PDE6D: variants seen among roughly 807,000 people sequenced by gnomAD.
PDE6D encodes the protein phosphodiesterase 6D.
In PDE6D, 10 loss-of-function variants were observed where a neutral mutation model predicts 21.9. The ratio of observed to expected loss-of-function variants is 0.46; its 90% CI spans 0.28 to 0.78. PDE6D has a LOEUF of 0.78. Ranked by LOEUF, PDE6D falls within the 30% of genes least tolerant of loss-of-function variation. The pLI is 0.12. For synonymous variants in PDE6D, 59 were observed against 63.5 expected, an observed-to-expected ratio of 0.93 and a Z score of 0.34; for missense variants, 139 against 184.8, an observed-to-expected ratio of 0.75 and a Z score of 1.44.
chr2:231,754,246 A>G (rs1389735986), intron 1 of PDE6D, among the ~76,000 whole-genome samples: 2 of 152,148 alleles, frequency 1.3e-5, no homozygotes, highest in Non-Finnish European at 2.9e-5. Flanking sequence ...GTACCATACC[A>G]TGTACCAACT....
chr2:231,777,763 A>C (rs2049068325), intron 1 of PDE6D, among the ~76,000 whole-genome samples: 1 of 152,248 alleles, frequency 6.6e-6, no homozygotes, highest in Non-Finnish European at 1.5e-5. Flanking sequence ...AAGATGGACT[A>C]ACTACTTAGT....
intron 1 of PDE6D, among the ~76,000 whole-genome samples, chr2:231,775,414 A>T (rs1276805865): frequency 1.3e-5 from 2 of 150,834 alleles, no homozygotes; most frequent in African/African-American, 4.9e-5. Context: ...GGCTCAGGTG[A>T]TCCCCTCACC....
At chr2:231,733,221 T>C (rs1182726521) in intron 4 of PDE6D, among the ~76,000 whole-genome samples, 188 bp from the exon 5 acceptor site, 1 of 152,214 alleles carries the variant, frequency 6.6e-6, no homozygotes, top group African/African-American at 2.4e-5. Context: ...ATTTAACTTA[T>C]GTGGTTACAT....
In PDE6D at chr2:231,758,134, C is replaced by CCTGT. The variant is rs766581261; in HGVS notation, c.51-18950_51-18947dup. Among the ~76,000 whole-genome samples the CCTGT allele has an allele frequency of 1.6e-4, 25 of 152,208 alleles. No homozygotes were observed. The East Asian group carries it at 4.6e-3, about 28-fold the overall frequency. On this transcript the variant is annotated intron_variant, in intron 1 of 4. Transcript: ENST00000287600. ...CTTTGCCTATATATCTACCTACCTA[C>CCTGT]CTGTCTGTCTGTCTGTCTAAAACGG...
intron 1 of PDE6D, among the ~76,000 whole-genome samples, chr2:231,780,142 A>G (rs2049094654): frequency 6.6e-6 from 1 of 152,188 alleles, no homozygotes; most frequent in East Asian, 1.9e-4. Context: ...GAAAACACAA[A>G]GCTTCCTTAC....
intron 1 of PDE6D, among the ~76,000 whole-genome samples, chr2:231,762,526 G>A (rs1229961839): frequency 6.6e-6 from 1 of 151,782 alleles, no homozygotes; most frequent in East Asian, 1.9e-4. Context: ...TGTATTTTTA[G>A]TAAGGACAAG....
rs971907252 is a variant in PDE6D at position 231,780,781 on chromosome 2, C to T, written c.50+284G>A. The stretch of plus-strand genomic sequence containing the variant: ...CCAGCCGGCTTCTCCGACAGCGTTT[C>T]CGACGCCCGGCACCTCTCGCAGCCC... On this transcript the variant is annotated intron_variant, in intron 1 of 4. Transcript: ENST00000287600. 5.9e-5 allele frequency among the ~76,000 whole-genome samples: 9 copies of T among 152,254 alleles called. No individual in the cohort carries two copies. The East Asian group carries it at 9.7e-4, about 16-fold the overall frequency.
chr2:231,741,604 A>G (rs552933976), intron 1 of PDE6D, among the ~76,000 whole-genome samples: 41 of 152,340 alleles, frequency 2.7e-4, no homozygotes, highest in Admixed American at 8.5e-4. Context: ...TTAAAAAGAT[A>G]AAATTCATAG....
intron 1 of PDE6D, among the ~76,000 whole-genome samples, chr2:231,754,207 A>T (rs2048865022): frequency 6.6e-6 from 1 of 152,190 alleles, no homozygotes. Flanking sequence ...AATTATTGTT[A>T]TCAGAGGCTG....
intron 1 of PDE6D, among the ~76,000 whole-genome samples, chr2:231,780,086 G>A (rs2049093719): frequency 6.6e-6 from 1 of 152,190 alleles, no homozygotes. Context: ...ATCCAAGTTT[G>A]CATTTTTTCA....
intron 1 of PDE6D, among the ~76,000 whole-genome samples, chr2:231,753,298 C>A (rs1249838253): frequency 2.0e-5 from 3 of 150,812 alleles, no homozygotes; most frequent in Non-Finnish European, 4.4e-5. Context: ...TCGAAGTGGG[C>A]GGATCACGAG....
At chr2:231,766,956 T>C (rs1415043499) in intron 1 of PDE6D, among the ~76,000 whole-genome samples, 1 of 131,100 alleles carries the variant, frequency 7.6e-6, no homozygotes, top group Admixed American at 9.5e-5. Context: ...ATCACGCCAC[T>C]GCACTCCAGC....
chr2:231,771,848 T>C (rs1449425984), intron 1 of PDE6D, among the ~76,000 whole-genome samples: 1 of 152,232 alleles, frequency 6.6e-6, no homozygotes, highest in African/African-American at 2.4e-5. Context: ...AGAAAGGCTG[T>C]CACCAAATCA....
intron 2 of PDE6D, 77 bp from the exon 3 acceptor site, chr2:231,738,215 C>A: frequency 7.5e-7 from 1 of 1,336,034 alleles, no homozygotes; most frequent in Non-Finnish European, 1.0e-6. Flanking sequence ...TTTCTGGGAG[C>A]TTCTTACAGC....
rs535729031 is a variant in PDE6D at position 231,756,711 on chromosome 2, A to T, written c.51-17523T>A. On this transcript the variant is annotated intron_variant, in intron 1 of 4. Coordinates refer to ENST00000287600, the MANE Select transcript of PDE6D (RefSeq NM_002601.4). Reference sequence around the variant, plus strand: ...TACCTTGGCCTCCCAAAGTGTTGAGATTATAGGCATGAGCCACCACACCTG... The same window carrying T: ...TACCTTGGCCTCCCAAAGTGTTGAGTTTATAGGCATGAGCCACCACACCTG... Among the ~76,000 whole-genome samples, 4 of 149,016 alleles carry T rather than the reference A, an allele frequency of 2.7e-5. No individual in the cohort carries two copies. The East Asian group carries it at 7.9e-4, about 30-fold the overall frequency.
chr2:231,777,078 T>G (rs929856871), intron 1 of PDE6D, among the ~76,000 whole-genome samples: 2 of 152,162 alleles, frequency 1.3e-5, no homozygotes, highest in Admixed American at 1.3e-4. Context: ...AAGATTGACC[T>G]AGTCAACGTG....
rs1017160596 is a variant in PDE6D, at chr2:231,775,489, T to G, written c.50+5576A>C. Among the ~76,000 whole-genome samples, 17 of 145,466 alleles carry G rather than the reference T, an allele frequency of 1.2e-4. No homozygotes were observed. In the South Asian group the frequency reaches 1.3e-3, roughly 11 times the overall value. ...ACACCTGGCTAATTTTTGTGTGTGT[T>G]TTTTTTTTTTTTTTGTAGAGGCGGG... On this transcript the variant is annotated intron_variant, in intron 1 of 4. Transcript: ENST00000287600.
rs2048732512 is a variant in PDE6D at position 231,739,726 on chromosome 2, G to A, written c.51-538C>T. ...GGCTCACTACAACCTTCATCTCCTT[G>A]GTTCAAGCAATTCTTGTGCCTCAGC... On this transcript the variant is annotated intron_variant, in intron 1 of 4. Transcript: ENST00000287600. The surrounding 1 kb of genome is among the most constrained non-coding windows in gnomAD (Gnocchi z 4.2). 6.6e-6 allele frequency among the ~76,000 whole-genome samples: 1 copy of A among 151,274 alleles called. No homozygotes were observed. Among genetic ancestry groups the A allele is most frequent in the South Asian group, 2.1e-4 (1 of 4,802 alleles).
intron 1 of PDE6D, among the ~76,000 whole-genome samples, chr2:231,755,518 G>A (rs1379659200): frequency 6.6e-6 from 1 of 152,160 alleles, no homozygotes; most frequent in Non-Finnish European, 1.5e-5. Context: ...CTTGAGGTCA[G>A]GAGTTCAAGA....
Sources: allele counts gnomAD v4.1 joint callset (sites outside exome capture counted in the v4.1 genomes callset), GRCh38; gene constraint gnomAD v4.1.1; non-coding constraint Gnocchi (gnomAD v3.1); transcripts MANE v1.5; gene names NCBI Gene and HGNC (gene_info 2026-07-23, HGNC 2026-07-21).